Variants in CACNA2D3 observed in about 807,000 individuals in gnomAD.
CACNA2D3 encodes the protein voltage-dependent calcium channel subunit alpha-2/delta-3.
A neutral mutation model predicts 160.6 loss-of-function variants in CACNA2D3; 60 were observed. The ratio of observed to expected loss-of-function variants is 0.37; its 90% CI spans 0.30 to 0.46. The LOEUF is 0.46. Among genes scored for constraint, CACNA2D3 ranks in the 20% least tolerant of loss-of-function variants. The pLI, the probability that CACNA2D3 is intolerant of heterozygous loss-of-function variation, is 1.00. For missense variants in CACNA2D3, 1,205 were observed against 1,365.0 expected (o/e 0.88, Z 1.85); for synonymous variants, 558 against 492.9 (o/e 1.13, Z -1.75).
At chr3:54,510,853 C>T (rs1453133950) in intron 5 of CACNA2D3, among the ~76,000 whole-genome samples, 2 of 152,178 alleles carry the variant, frequency 1.3e-5, no homozygotes, top group Admixed American at 6.5e-5. Context: ...ACATTGATTC[C>T]TCACACTGAC....
chr3:54,483,597 T>TGA (rs2106904788), intron 4 of CACNA2D3, among the ~76,000 whole-genome samples: 1 of 152,330 alleles, frequency 6.6e-6, no homozygotes, highest in East Asian at 1.9e-4. Context: ...TGTTTAATTT[T>TGA]TTATCCTATT....
intron 31 of CACNA2D3, among the ~76,000 whole-genome samples, chr3:54,997,632 A>C (rs1184595095): frequency 6.6e-6 from 1 of 151,312 alleles, no homozygotes. Flanking sequence ...AGGCTGAGGC[A>C]GGAGGATCGC....
chr3:54,518,020 T>G (rs1166090903), intron 5 of CACNA2D3, among the ~76,000 whole-genome samples: 1 of 152,208 alleles, frequency 6.6e-6, no homozygotes, highest in East Asian at 1.9e-4. Context: ...TCCTGGTGTC[T>G]TTCCAACAAA....
intron 25 of CACNA2D3, among the ~76,000 whole-genome samples, chr3:54,895,510 T>C (rs1391445973): frequency 6.6e-6 from 1 of 152,216 alleles, no homozygotes; most frequent in Non-Finnish European, 1.5e-5. Flanking sequence ...AGACACACCC[T>C]GCAACTACTG....
chr3:54,141,728 G>A (rs987710338), intron 2 of CACNA2D3, among the ~76,000 whole-genome samples: 10 of 152,188 alleles, frequency 6.6e-5, no homozygotes, highest in South Asian at 2.1e-4. Flanking sequence ...TTCATTTGTA[G>A]GGAGGAACTG....
In CACNA2D3 at chr3:54,490,598, G is replaced by A. The variant is rs1003721838; in HGVS notation, c.382-12894G>A. Among the ~76,000 whole-genome samples, 11 of 152,300 alleles carry A rather than the reference G, an allele frequency of 7.2e-5. 1 individual carries two copies. The highest frequency in any genetic ancestry group is 7.2e-4 in the Admixed American group (11 of 15,296). On this transcript the variant is annotated intron_variant, in intron 4 of 37. Coordinates refer to ENST00000474759, the MANE Select transcript of CACNA2D3 (RefSeq NM_018398.3). ...CAGTCATCTTCACACCTTTGACTGA[G>A]GACCTCTGGGCACTGTGCCTGGTGC...
At chr3:54,513,589 C>T (rs76679511) in intron 5 of CACNA2D3, among the ~76,000 whole-genome samples, 3,482 of 152,238 alleles carry the variant, frequency 0.023, 114 homozygotes, top group African/African-American at 0.078. Context: ...TTAGAACCAC[C>T]CGGGCTCCAC....
At chr3:54,318,693 C>CT (rs376114168) in intron 2 of CACNA2D3, among the ~76,000 whole-genome samples, 92,680 of 129,730 alleles carry the variant, frequency 0.71, 33,407 homozygotes, top group Middle Eastern at 0.8. Context: ...AGAGGAGTAT[C>CT]TTTTTTTTTT....
chr3:54,369,124 T>C (rs1301982677), intron 3 of CACNA2D3, among the ~76,000 whole-genome samples: 3 of 152,118 alleles, frequency 2.0e-5, no homozygotes, highest in East Asian at 3.9e-4. Context: ...CATATATCAG[T>C]GTCTAAGGGA....
chr3:54,326,887 CAGAT>C (rs562358888), intron 3 of CACNA2D3, among the ~76,000 whole-genome samples: 26 of 152,266 alleles, frequency 1.7e-4, no homozygotes, highest in South Asian at 6.2e-4. Context: ...TTTTGAGTCA[CAGAT>C]AGAGGGAGGA....
At chr3:54,468,649 C>G (rs753770478) in intron 4 of CACNA2D3, among the ~76,000 whole-genome samples, 9 of 152,194 alleles carry the variant, frequency 5.9e-5, no homozygotes, top group Non-Finnish European at 1.2e-4. Context: ...ATCCCACCCC[C>G]ACGGAGTCCA....
chr3:54,469,925 A>T (rs1287651219), intron 4 of CACNA2D3, among the ~76,000 whole-genome samples: 1 of 152,166 alleles, frequency 6.6e-6, no homozygotes, highest in Admixed American at 6.5e-5. Context: ...GAAATATGGG[A>T]CTATGTGAAA....
At chr3:54,484,670 A>ATCTT (rs1195113183) in intron 4 of CACNA2D3, among the ~76,000 whole-genome samples, 1 of 151,306 alleles carries the variant, frequency 6.6e-6, no homozygotes, top group Non-Finnish European at 1.5e-5. Flanking sequence ...TTCTGTGTCT[A>ATCTT]TCTTTTAATT....
At chr3:54,123,390 C>G in intron 1 of CACNA2D3, 123 bp from the exon 2 acceptor site, 8 of 706,382 alleles carry the variant, frequency 1.1e-5, no homozygotes, top group East Asian at 2.8e-5. Flanking sequence ...ATCTTTTCTT[C>G]TTTTAAAACA....
intron 2 of CACNA2D3, among the ~76,000 whole-genome samples, chr3:54,263,731 A>C (rs1702447148): frequency 6.6e-6 from 1 of 151,924 alleles, no homozygotes; most frequent in Admixed American, 6.6e-5. Context: ...TCTGCGCTAG[A>C]CCCCGGCAAC....
intron 9 of CACNA2D3, among the ~76,000 whole-genome samples, chr3:54,593,341 T>G (rs1702896071): frequency 1.3e-5 from 2 of 151,830 alleles, no homozygotes; most frequent in Non-Finnish European, 2.9e-5. Context: ...AATTTCAGAA[T>G]AGTATGGTTC....
chr3:54,595,047 AT>A (rs1192944522), intron 9 of CACNA2D3, among the ~76,000 whole-genome samples: 1 of 152,186 alleles, frequency 6.6e-6, no homozygotes, highest in African/African-American at 2.4e-5. Flanking sequence ...TATAGAGTAA[AT>A]TCTAGTTCAG....
intron 2 of CACNA2D3, among the ~76,000 whole-genome samples, chr3:54,304,680 A>G (rs997344147): frequency 2.0e-5 from 3 of 152,104 alleles, no homozygotes; most frequent in South Asian, 2.1e-4. Context: ...TTACCTTCCA[A>G]TGTCTTAGGA....
At chr3:54,186,291 G>A (rs146438678) in intron 2 of CACNA2D3, among the ~76,000 whole-genome samples, 2 of 152,350 alleles carry the variant, frequency 1.3e-5, no homozygotes, top group African/African-American at 4.8e-5. Flanking sequence ...GCAGGAGGAA[G>A]TGTTCTTTTC....
Sources: gnomAD v4.1 joint callset for allele counts (sites outside exome capture counted in the v4.1 genomes callset) on GRCh38, gnomAD v4.1.1 for gene constraint, MANE v1.5 for transcripts, NCBI Gene and HGNC (gene_info 2026-07-23, HGNC 2026-07-21) for gene names.